Variants in PTPRZ1 observed in about 807,000 individuals in gnomAD.
PTPRZ1 encodes the protein receptor-type tyrosine-protein phosphatase zeta.
PTPRZ1 carries 82 observed loss-of-function variants against 214.1 expected under a neutral mutation model. The ratio of observed to expected loss-of-function variants is 0.38; its 90% CI spans 0.32 to 0.46. The LOEUF (loss-of-function observed/expected upper bound fraction) is 0.46. PTPRZ1 is among the 20% of genes least tolerant of loss of function. The pLI, the probability that PTPRZ1 is intolerant of heterozygous loss-of-function variation, is 1.00. For synonymous variants in PTPRZ1, 945 were observed against 987.9 expected (o/e 0.96, Z 0.81); for missense variants, 2,603 against 2,748.7 (o/e 0.95, Z 1.19).
At chr7:121,947,317 C>G (rs1796413977) in intron 2 of PTPRZ1, among the ~76,000 whole-genome samples, 1 of 151,360 alleles carries the variant, frequency 6.6e-6, no homozygotes, top group African/African-American at 2.4e-5. Flanking sequence ...AAGAGAAGTA[C>G]AAGTTGAAGA....
At chr7:121,886,786 C>G (rs1794411951) in intron 1 of PTPRZ1, among the ~76,000 whole-genome samples, 1 of 152,026 alleles carries the variant, frequency 6.6e-6, no homozygotes, top group African/African-American at 2.4e-5. Flanking sequence ...TACAGGTATG[C>G]CAGGGTCCCC....
At chr7:121,930,925 A>G (rs1322161280) in intron 2 of PTPRZ1, among the ~76,000 whole-genome samples, 1 of 152,134 alleles carries the variant, frequency 6.6e-6, no homozygotes, top group African/African-American at 2.4e-5. Flanking sequence ...ATCCCTAACC[A>G]TGGAAGATGA....
intron 13 of PTPRZ1, among the ~76,000 whole-genome samples, chr7:122,023,860 AAAG>A (rs1799125922): frequency 7.0e-6 from 1 of 142,696 alleles, no homozygotes; most frequent in East Asian, 2.0e-4. Context: ...TAAAAAAAAA[AAAG>A]ATTGTAGCCA....
At chr7:121,911,083 G>T (rs1795259991) in intron 1 of PTPRZ1, among the ~76,000 whole-genome samples, 1 of 152,076 alleles carries the variant, frequency 6.6e-6, no homozygotes, top group Non-Finnish European at 1.5e-5. Context: ...TAGCTTGCCT[G>T]TAAGTTACAA....
At chr7:121,984,142 AC>A (rs34094620) in intron 8 of PTPRZ1, 25 bp downstream of exon 8, 86,927 of 1,597,702 alleles carry the variant, frequency 0.054, 2,607 homozygotes, top group Non-Finnish European at 0.062. Context: ...ATAATCTTCT[AC>A]AACTCTCATA....
Position 121,873,696 on chromosome 7 carries a change from G to C in PTPRZ1, c.58+139G>C. ...AAGGGACAGCCAACTGGGCTCCCAC[G>C]GAGCGGGCGGCCGCGCGGTGCAGGC... is the stretch of plus-strand genomic sequence containing the variant. On this transcript the variant is annotated intron_variant, in intron 1 of 29. Coordinates refer to ENST00000393386, the MANE Select transcript of PTPRZ1 (RefSeq NM_002851.3). The C allele has an allele frequency of 5.6e-6, 6 of 1,078,996 alleles. No homozygotes were observed. In the South Asian group the frequency reaches 8.6e-5, roughly 15 times the overall value. The allele number at this position is 1,078,996 out of a possible 1,614,324, so 66.8% of individuals were successfully genotyped here.
intron 2 of PTPRZ1, among the ~76,000 whole-genome samples, chr7:121,943,025 C>A (rs963822681): frequency 1.3e-5 from 2 of 152,028 alleles, no homozygotes; most frequent in Non-Finnish European, 2.9e-5. Flanking sequence ...TCATACTGAA[C>A]AATTATTTAT....
chr7:122,053,179 A>G (rs537183157), intron 25 of PTPRZ1, among the ~76,000 whole-genome samples: 1 of 152,270 alleles, frequency 6.6e-6, no homozygotes, highest in South Asian at 2.1e-4. Context: ...CCATGGACCA[A>G]TGCCCCCACT....
chr7:122,002,266 G>A (rs1798351593), intron 10 of PTPRZ1, among the ~76,000 whole-genome samples: 1 of 152,204 alleles, frequency 6.6e-6, no homozygotes, highest in African/African-American at 2.4e-5. Flanking sequence ...TCTCAGTCCA[G>A]TTGGAAACCA....
intron 1 of PTPRZ1, among the ~76,000 whole-genome samples, chr7:121,925,446 A>C (rs2116361056): frequency 6.6e-6 from 1 of 152,338 alleles, no homozygotes; most frequent in Admixed American, 6.5e-5. Context: ...AATAGCCAAA[A>C]ATTAGAAACA....
intron 1 of PTPRZ1, among the ~76,000 whole-genome samples, chr7:121,923,707 T>G (rs201916603): frequency 7.0e-6 from 1 of 142,502 alleles, no homozygotes; most frequent in African/African-American, 2.7e-5. Context: ...GGTGGGGGGG[T>G]GGTAAAAATT....
chr7:122,054,896 C>A, intron 26 of PTPRZ1, 45 bp from the exon 27 acceptor site: 1 of 1,507,656 alleles, frequency 6.6e-7, no homozygotes, highest in South Asian at 1.3e-5. Context: ...ACTTATTGGT[C>A]ATTTTATTAA....
rs770450767 is a variant in PTPRZ1 at position 122,012,765 on chromosome 7, C to G, written c.3719C>G (p.Ser1240Cys). Residue 1240 changes from serine (S) to cysteine (C), a missense_variant, in exon 12 of 30, where the codon TCT (serine) becomes TGT (cysteine). By Grantham distance (112) the Ser-to-Cys change is moderately radical (BLOSUM62 -1). Transcript: ENST00000393386. Reference protein sequence around the residue: ...ASSENMLHSTSVPVFDVSPTS... With the variant: ...ASSENMLHSTCVPVFDVSPTS... ...AGTGAAAACATGCTGCACTCTACATCTGTACCAGTTTTTGATGTGTCGCCT... is the reference window on the plus strand; with the variant it reads ...AGTGAAAACATGCTGCACTCTACATGTGTACCAGTTTTTGATGTGTCGCCT... 6 of 1,611,156 alleles carry G rather than the reference C, an allele frequency of 3.7e-6. No homozygotes were observed. In the East Asian group the frequency reaches 1.3e-4, roughly 36 times the overall value.
chr7:121,875,610 G>A (rs1794032789), intron 1 of PTPRZ1, among the ~76,000 whole-genome samples: 1 of 152,190 alleles, frequency 6.6e-6, no homozygotes, highest in Admixed American at 6.5e-5. Flanking sequence ...CTGAATGTAA[G>A]CTTGCATTGG....
At chr7:121,897,892 C>T (rs1487756607) in intron 1 of PTPRZ1, among the ~76,000 whole-genome samples, 1 of 152,100 alleles carries the variant, frequency 6.6e-6, no homozygotes, top group Non-Finnish European at 1.5e-5. Flanking sequence ...ACTTATTTGG[C>T]CATTCAACTA....
At chr7:121,949,305 C>T (rs905444185) in intron 2 of PTPRZ1, among the ~76,000 whole-genome samples, 8 of 152,062 alleles carry the variant, frequency 5.3e-5, no homozygotes, top group Admixed American at 3.3e-4. Context: ...GTAGGTTGGC[C>T]CTAAGCAGTT....
chr7:122,033,762 G>C (rs1358431351), intron 15 of PTPRZ1: 2 of 266,764 alleles, frequency 7.5e-6, no homozygotes, highest in African/African-American at 4.5e-5. Context: ...AATAAAATTT[G>C]GATATTAGCC....
In PTPRZ1 at chr7:122,019,247, T is replaced by G; in HGVS notation, c.4967T>G (p.Val1656Gly). ...ALTFICLVVL[V>G]GILIYWRKCF... ...ACTTTTATCTGTCTAGTGGTTCTTGTGGGTATTCTCATCTACTGGAGGTAA... is the reference window on the plus strand; with the variant it reads ...ACTTTTATCTGTCTAGTGGTTCTTGGGGGTATTCTCATCTACTGGAGGTAA... The change falls in exon 13 of 30, where the codon GTG (valine) becomes GGG (glycine). Residue 1656 changes from valine (V) to glycine (G), a missense_variant. This residue lies in a region of PTPRZ1 where 1,913 missense variants were observed against 1,914.3 expected (regional missense o/e 1.00). Coordinates refer to ENST00000393386, the MANE Select transcript of PTPRZ1 (RefSeq NM_002851.3). 1 of 1,612,422 alleles carries G rather than the reference T, an allele frequency of 6.2e-7. No homozygotes were observed. Among genetic ancestry groups the G allele is most frequent in the Non-Finnish European group, 8.5e-7 (1 of 1,178,890 alleles).
Position 121,873,432 on chromosome 7 carries a change from G to T in PTPRZ1, c.-68G>T. ...AACAAACAAAAAAAACATTTCCTTCGCTCCCCCTCCCTCTCCACTCTGAGA... is the reference window on the plus strand; with the variant it reads ...AACAAACAAAAAAAACATTTCCTTCTCTCCCCCTCCCTCTCCACTCTGAGA... On this transcript the variant is annotated 5_prime_UTR_variant, in exon 1 of 30. Transcript: ENST00000393386. The T allele has an allele frequency of 3.3e-6, 5 of 1,522,402 alleles. No individual in the cohort carries two copies. The highest frequency in any genetic ancestry group is 1.4e-5 in the African/African-American group (1 of 72,768). The allele number at this position is 1,522,402 out of a possible 1,614,324, so 94.3% of individuals were successfully genotyped here.
Sources: allele counts gnomAD v4.1 joint callset (sites outside exome capture counted in the v4.1 genomes callset), GRCh38; gene constraint gnomAD v4.1.1; regional missense constraint gnomAD v4.1.1; transcripts MANE v1.5; gene names NCBI Gene and HGNC (gene_info 2026-07-23, HGNC 2026-07-21).